MPDZ: variants seen among roughly 807,000 people sequenced by gnomAD.
The protein encoded by MPDZ is multiple PDZ domain crumbs cell polarity complex component.
Under a neutral mutation model 239.1 loss-of-function variants are expected in MPDZ, and 234 were observed. The observed-to-expected ratio is 0.98, with a 90% confidence interval of 0.88 to 1.09. MPDZ has a LOEUF of 1.09. MPDZ is among the 50% of genes least tolerant of loss of function. The pLI is 0.00. For synonymous variants in MPDZ, 1,048 were observed against 881.3 expected, an observed-to-expected ratio of 1.19 and a Z score of -3.35; for missense variants, 3,175 against 2,510.0, an observed-to-expected ratio of 1.26 and a Z score of -5.66.
At chr9:13,257,916 C>A (rs185814401) in intron 1 of MPDZ, among the ~76,000 whole-genome samples, 31 of 152,114 alleles carry the variant, frequency 2.0e-4, no homozygotes, top group Non-Finnish European at 4.1e-4. Flanking sequence ...ATCTAACAAT[C>A]CTACTATGTA....
At chr9:13,181,457 TG>T (rs1953316700) in intron 19 of MPDZ, among the ~76,000 whole-genome samples, 1 of 152,118 alleles carries the variant, frequency 6.6e-6, no homozygotes, top group African/African-American at 2.4e-5. Flanking sequence ...AAATATAAAA[TG>T]TTGCAGAGAT....
At chr9:13,245,507 C>A (rs1270968955) in intron 3 of MPDZ, among the ~76,000 whole-genome samples, 1 of 151,792 alleles carries the variant, frequency 6.6e-6, no homozygotes, top group African/African-American at 2.4e-5. Flanking sequence ...CACTTAACCT[C>A]TCTAAGCCAC....
chr9:13,225,495 C>T (rs1029428091), intron 3 of MPDZ, among the ~76,000 whole-genome samples: 2 of 151,926 alleles, frequency 1.3e-5, no homozygotes, highest in Non-Finnish European at 2.9e-5. Context: ...ACCACTCACT[C>T]ACTGATTCAC....
intron 27 of MPDZ, chr9:13,140,950 G>C (rs370735435): frequency 6.6e-6 from 1 of 152,060 alleles, no homozygotes; most frequent in African/African-American, 2.4e-5. Context: ...GCACACACTC[G>C]GATGTGAGCG....
intron 28 of MPDZ, 173 bp downstream of exon 28, chr9:13,139,814 C>G: frequency 1.3e-6 from 1 of 747,882 alleles, no homozygotes. Context: ...GATTTCATGC[C>G]TCAGGAATGT....
chr9:13,204,823 C>T lies in MPDZ; in HGVS notation c.1546+213G>A, dbSNP rs563580613. Reference sequence around the variant, plus strand: ...GACTCAGCAAGAAAGTGTAAGTGAACGATAAACAAAAGTATAATTTAGCTA... The same window carrying T: ...GACTCAGCAAGAAAGTGTAAGTGAATGATAAACAAAAGTATAATTTAGCTA... On this transcript the variant is annotated intron_variant, in intron 12 of 46. Transcript: ENST00000319217. 4.6e-5 allele frequency among the ~76,000 whole-genome samples: 7 copies of T among 152,046 alleles called. No individual in the cohort carries two copies. The South Asian group carries it at 1.0e-3, about 23-fold the overall frequency.
chr9:13,246,081 C>T (rs930219550), intron 3 of MPDZ, among the ~76,000 whole-genome samples: 3 of 152,118 alleles, frequency 2.0e-5, no homozygotes, highest in African/African-American at 7.2e-5. Flanking sequence ...ATAATTTCCA[C>T]AACATAATTA....
intron 3 of MPDZ, among the ~76,000 whole-genome samples, chr9:13,230,993 A>C (rs1962263485): frequency 6.6e-6 from 1 of 152,178 alleles, no homozygotes; most frequent in Non-Finnish European, 1.5e-5. Flanking sequence ...GAAAAGGAAG[A>C]AAATAACATA....
intron 12 of MPDZ, among the ~76,000 whole-genome samples, chr9:13,201,329 T>G (rs1194241928): frequency 6.6e-6 from 1 of 151,864 alleles, no homozygotes; most frequent in Non-Finnish European, 1.5e-5. Context: ...AATGTGGTGT[T>G]TCTTTTCTCT....
chr9:13,136,048 A>T, intron 31 of MPDZ, 44 bp downstream of exon 31: 1 of 1,264,764 alleles, frequency 7.9e-7, no homozygotes. Flanking sequence ...TAAGGCTCAC[A>T]TCAATCAAGT....
At position 13,106,961 on chromosome 9, in the gene MPDZ, C is replaced by T. The variant is rs754296571; in HGVS notation, c.*4G>A. ...GTTGGGTTGGTTCAATTCTGGCAGCCAATTCAAGAGAGAACCATCAAAGTG... is the reference window on the plus strand; with the variant it reads ...GTTGGGTTGGTTCAATTCTGGCAGCTAATTCAAGAGAGAACCATCAAAGTG... On this transcript the variant is annotated 3_prime_UTR_variant, in exon 47 of 47. Transcript: ENST00000319217. The T allele has an allele frequency of 1.2e-6, 2 of 1,612,956 alleles. No homozygotes were observed. Among genetic ancestry groups the T allele is most frequent in the Non-Finnish European group, 1.7e-6 (2 of 1,179,274 alleles).
intron 46 of MPDZ, 41 bp from the exon 47 acceptor site, chr9:13,107,152 G>A (rs754788338): frequency 6.6e-7 from 1 of 1,525,224 alleles, no homozygotes; most frequent in South Asian, 1.3e-5. Flanking sequence ...CTCAAAAAAT[G>A]CTGCCTTGCA....
chr9:13,121,561 C>T (rs1398779255), intron 38 of MPDZ, among the ~76,000 whole-genome samples, 178 bp downstream of exon 38: 2 of 152,150 alleles, frequency 1.3e-5, no homozygotes, highest in Non-Finnish European at 2.9e-5. Flanking sequence ...TTCCAATATT[C>T]TGATTTTAAA....
At chr9:13,151,801 T>TA (rs1244809047) in intron 24 of MPDZ, among the ~76,000 whole-genome samples, 1 of 152,094 alleles carries the variant, frequency 6.6e-6, no homozygotes, top group Non-Finnish European at 1.5e-5. Context: ...AAAATAATAA[T>TA]AAAAATATTT....
At chr9:13,132,124 C>T (rs1324060632) in intron 32 of MPDZ, among the ~76,000 whole-genome samples, 4 of 152,124 alleles carry the variant, frequency 2.6e-5, no homozygotes, top group Admixed American at 2.6e-4. Flanking sequence ...GTCTTGCATT[C>T]CTCAATAGCA....
intron 43 of MPDZ, among the ~76,000 whole-genome samples, chr9:13,111,034 GA>G (rs201635236): frequency 1.7e-4 from 26 of 151,406 alleles, no homozygotes; most frequent in South Asian, 6.2e-4. Context: ...CCTATTAAAA[GA>G]AAAAAAAATT....
chr9:13,255,043 C>T (rs1297102797), intron 1 of MPDZ, among the ~76,000 whole-genome samples: 1 of 152,204 alleles, frequency 6.6e-6, no homozygotes, highest in Non-Finnish European at 1.5e-5. Flanking sequence ...CTCTCAAATC[C>T]TGCTCCTACT....
intron 10 of MPDZ, 29 bp downstream of exon 10, chr9:13,216,745 A>C: frequency 6.7e-7 from 1 of 1,493,008 alleles, no homozygotes; most frequent in Non-Finnish European, 9.3e-7. Context: ...ATGAAAATTA[A>C]CAAAGCTATT....
intron 1 of MPDZ, 115 bp from the exon 2 acceptor site, chr9:13,250,487 T>G: frequency 1.7e-6 from 1 of 589,988 alleles, no homozygotes; most frequent in Non-Finnish European, 2.9e-6. Flanking sequence ...AAAATCTTGT[T>G]GATACAACTT....
Sources: allele counts gnomAD v4.1 joint callset (sites outside exome capture counted in the v4.1 genomes callset), GRCh38; gene constraint gnomAD v4.1.1; transcripts MANE v1.5; gene names NCBI Gene and HGNC (gene_info 2026-07-23, HGNC 2026-07-21).